The following TENM3 variants were observed in gnomAD, a reference collection of about 807,000 sequenced individuals.
The protein encoded by TENM3 is teneurin-3.
In TENM3, 63 loss-of-function variants were observed where a neutral mutation model predicts 255.1. The ratio of observed to expected loss-of-function variants is 0.25; its 90% CI spans 0.20 to 0.30. The LOEUF is 0.30. Among genes scored for constraint, TENM3 ranks in the 10% least tolerant of loss-of-function variants. TENM3 has a pLI of 1.00. For synonymous variants in TENM3, 1,306 were observed against 1,322.3 expected, an observed-to-expected ratio of 0.99 and a Z score of 0.27; for missense variants, 2,929 against 3,461.1, an observed-to-expected ratio of 0.85 and a Z score of 3.86.
the TENM3 span, among the ~76,000 whole-genome samples, chr4:182,056,954 C>A: frequency 1.3e-5 from 2 of 151,478 alleles, no homozygotes; most frequent in Non-Finnish European, 2.9e-5. Context: ...GTTCAGCTTA[C>A]TTTGTCTTCC....
intron 3 of TENM3, among the ~76,000 whole-genome samples, chr4:182,431,474 A>G (rs1771639614): frequency 1.3e-5 from 2 of 152,186 alleles, no homozygotes; most frequent in South Asian, 4.1e-4. Flanking sequence ...AGCTGGCAAC[A>G]AAGCGAGACT....
At position 182,646,335 on chromosome 4, in the gene TENM3, C is replaced by T. The variant is rs1189801225; in HGVS notation, c.989-7436C>T. ...ACCAGCAGAGAACTGGGAAGAGAAC[C>T]AGGAGAATTATGAAAGGAAAATAAA... On this transcript the variant is annotated intron_variant, in intron 5 of 27. Transcript: ENST00000511685. 2.0e-5 allele frequency among the ~76,000 whole-genome samples: 3 copies of T among 152,104 alleles called. No homozygotes were observed. In the East Asian group the frequency reaches 5.8e-4, roughly 29 times the overall value.
the TENM3 span, among the ~76,000 whole-genome samples, chr4:181,863,958 C>T: frequency 6.6e-6 from 1 of 152,124 alleles, no homozygotes; most frequent in East Asian, 1.9e-4. Flanking sequence ...CAGTTTGCAA[C>T]CAAAACAGCC....
chr4:182,388,786 T>C (rs1768194730), intron 3 of TENM3, among the ~76,000 whole-genome samples: 10 of 152,222 alleles, frequency 6.6e-5, no homozygotes, highest in Admixed American at 6.5e-4. Flanking sequence ...CACCCCAATT[T>C]TTCAGAAGCC....
intron 3 of TENM3, among the ~76,000 whole-genome samples, chr4:182,427,436 C>A (rs1047738376): frequency 1.3e-5 from 2 of 152,144 alleles, no homozygotes; most frequent in Non-Finnish European, 2.9e-5. Flanking sequence ...CAGGATGGAA[C>A]TACTTGGCTC....
chr4:181,699,110 T>G, the TENM3 span, among the ~76,000 whole-genome samples: 2 of 152,036 alleles, frequency 1.3e-5, no homozygotes, highest in Non-Finnish European at 2.9e-5. Flanking sequence ...TCCATCAAGA[T>G]TCAGGCCTAT....
the TENM3 span, among the ~76,000 whole-genome samples, chr4:181,918,137 G>T: frequency 6.6e-6 from 1 of 152,096 alleles, no homozygotes; most frequent in Non-Finnish European, 1.5e-5. Flanking sequence ...TTATTTGTGG[G>T]TGAAAGTTAT....
chr4:182,337,630 A>G (rs867044654), intron 2 of TENM3, among the ~76,000 whole-genome samples: 6 of 152,220 alleles, frequency 3.9e-5, no homozygotes, highest in East Asian at 1.9e-4. Context: ...TTTCTTATAT[A>G]AAGTTAAAAA....
At chr4:182,332,855 C>T (rs1434401792) in intron 2 of TENM3, among the ~76,000 whole-genome samples, 9 of 152,000 alleles carry the variant, frequency 5.9e-5, no homozygotes, top group Admixed American at 5.9e-4. Context: ...TAGAAAGCAC[C>T]TATGATCCTG....
chr4:182,585,770 A>T (rs9884678), intron 3 of TENM3, among the ~76,000 whole-genome samples: 50,625 of 152,036 alleles, frequency 0.33, 9,757 homozygotes, highest in East Asian at 0.48. Context: ...TCTATGGACA[A>T]TTTTAACAAA....
chr4:182,598,121 C>G (rs923271642), intron 3 of TENM3, among the ~76,000 whole-genome samples: 1 of 152,204 alleles, frequency 6.6e-6, no homozygotes, highest in African/African-American at 2.4e-5. Flanking sequence ...GTCAAGGCTG[C>G]AGTGAGCTGT....
intron 12 of TENM3, among the ~76,000 whole-genome samples, chr4:182,693,708 G>T (rs1757178800): frequency 6.6e-6 from 1 of 152,118 alleles, no homozygotes; most frequent in African/African-American, 2.4e-5. Context: ...AGAGCTTTGG[G>T]AATTGAAATT....
chr4:182,048,952 A>G, the TENM3 span, among the ~76,000 whole-genome samples: 63 of 152,260 alleles, frequency 4.1e-4, 4 homozygotes, highest in East Asian at 0.012. Flanking sequence ...GATGTGGCCA[A>G]TTAGAGGAGC....
At chr4:182,385,680 T>TG (rs1022022892) in intron 3 of TENM3, among the ~76,000 whole-genome samples, 1 of 152,208 alleles carries the variant, frequency 6.6e-6, no homozygotes, top group Admixed American at 6.5e-5. Context: ...GTAAACTAAA[T>TG]GGGAAATGAA....
At chr4:182,076,752 CTT>C in the TENM3 span, among the ~76,000 whole-genome samples, 2 of 152,118 alleles carry the variant, frequency 1.3e-5, no homozygotes, top group South Asian at 2.1e-4. Context: ...ACAAGAAAGA[CTT>C]TTGGCTTTGT....
chr4:181,657,135 G>C, the TENM3 span, among the ~76,000 whole-genome samples: 1 of 152,190 alleles, frequency 6.6e-6, no homozygotes, highest in African/African-American at 2.4e-5. Context: ...GACAGAATGA[G>C]AGCAGCTTAG....
At chr4:181,755,938 A>T in the TENM3 span, among the ~76,000 whole-genome samples, 2 of 152,094 alleles carry the variant, frequency 1.3e-5, no homozygotes, top group Non-Finnish European at 2.9e-5. Context: ...GAGGCTAAGT[A>T]TGTGATCTCT....
At chr4:181,829,177 T>G in the TENM3 span, among the ~76,000 whole-genome samples, 1 of 152,138 alleles carries the variant, frequency 6.6e-6, no homozygotes, top group South Asian at 2.1e-4. Flanking sequence ...CACGAAAGAG[T>G]GAATTATTTC....
rs1400883717 is a variant in TENM3 at position 182,149,816 on chromosome 4, A to T, written c.-76+5062A>T. 2.0e-5 allele frequency among the ~76,000 whole-genome samples: 3 copies of T among 151,998 alleles called. No individual in the cohort carries two copies. In the East Asian group the frequency reaches 5.8e-4, roughly 29 times the overall value. Reference sequence around the variant, plus strand: ...TTTAGGAGTCAATCATTACTTATGGAGATGTGGCATTTATTACTATTATTA... The same window carrying T: ...TTTAGGAGTCAATCATTACTTATGGTGATGTGGCATTTATTACTATTATTA... On this transcript the variant is annotated intron_variant, in intron 1 of 2. Coordinates refer to the TENM3 transcript ENST00000512480.
Sources: allele counts gnomAD v4.1 joint callset (sites outside exome capture counted in the v4.1 genomes callset), GRCh38; gene constraint gnomAD v4.1.1; transcripts MANE v1.5; gene names NCBI Gene and HGNC (gene_info 2026-07-23, HGNC 2026-07-21).